Variants in LRP1B observed in about 807,000 individuals in gnomAD.
LRP1B encodes low-density lipoprotein receptor-related protein 1B.
In LRP1B, 217 loss-of-function variants were observed where a neutral mutation model predicts 556.6. That is an observed-to-expected ratio of 0.39 (90% CI 0.35 to 0.44). The LOEUF is 0.44. Ranked by LOEUF, LRP1B falls within the 20% of genes least tolerant of loss-of-function variation. LRP1B has a pLI of 1.00. For synonymous variants in LRP1B, 2,047 were observed against 1,865.8 expected (o/e 1.10, Z -2.50); for missense variants, 5,053 against 5,620.8 (o/e 0.90, Z 3.23).
intron 66 of LRP1B, among the ~76,000 whole-genome samples, chr2:140,387,517 C>A (rs1683810705): frequency 6.6e-6 from 1 of 151,990 alleles, no homozygotes; most frequent in Non-Finnish European, 1.5e-5. Flanking sequence ...GAATTTATAT[C>A]CAGCTCCAGC....
chr2:141,487,124 C>A (rs1423266819), intron 2 of LRP1B, among the ~76,000 whole-genome samples: 1 of 152,110 alleles, frequency 6.6e-6, no homozygotes, highest in Non-Finnish European at 1.5e-5. Flanking sequence ...ATCCCCTCCA[C>A]CTTTTGCCTG....
At chr2:141,675,679 G>GTA (rs1432638705) in intron 2 of LRP1B, among the ~76,000 whole-genome samples, 496 of 12,502 alleles carry the variant, frequency 0.04, 3 homozygotes, top group African/African-American at 0.077. Context: ...AATTTATTTG[G>GTA]TATATATATA....
At chr2:140,427,530 G>A (rs1398529267) in intron 66 of LRP1B, among the ~76,000 whole-genome samples, 8 of 152,012 alleles carry the variant, frequency 5.3e-5, no homozygotes, top group Admixed American at 5.2e-4. Flanking sequence ...ATACAAACTC[G>A]ACAGTAGTTC....
intron 2 of LRP1B, among the ~76,000 whole-genome samples, chr2:141,625,458 G>A (rs75398503): frequency 0.014 from 2,071 of 152,184 alleles, 58 homozygotes; most frequent in African/African-American, 0.047. Flanking sequence ...TATCTACTCC[G>A]TACATTTTTT....
intron 1 of LRP1B, among the ~76,000 whole-genome samples, chr2:141,958,812 G>A (rs1361446542): frequency 6.6e-6 from 1 of 152,002 alleles, no homozygotes; most frequent in South Asian, 2.1e-4. Context: ...TCAGACTGGT[G>A]TAAGGAAAAC....
intron 3 of LRP1B, among the ~76,000 whole-genome samples, chr2:141,390,838 G>T (rs1346253657): frequency 6.6e-6 from 1 of 152,186 alleles, no homozygotes; most frequent in Non-Finnish European, 1.5e-5. Context: ...AGACAGAAGT[G>T]GTGGTTGCAC....
intron 11 of LRP1B, among the ~76,000 whole-genome samples, chr2:141,021,871 C>T (rs1573990180): frequency 6.6e-6 from 1 of 151,924 alleles, no homozygotes; most frequent in East Asian, 1.9e-4. Context: ...TTAATAGCTA[C>T]TGCATGTAAA....
At chr2:140,854,415 A>G (rs1395131087) in intron 27 of LRP1B, among the ~76,000 whole-genome samples, 1 of 152,166 alleles carries the variant, frequency 6.6e-6, no homozygotes, top group African/African-American at 2.4e-5. Flanking sequence ...ATAATTCACA[A>G]TATTTTGTGC....
intron 2 of LRP1B, among the ~76,000 whole-genome samples, chr2:141,521,898 A>G (rs1437783460): frequency 6.6e-6 from 1 of 152,148 alleles, no homozygotes; most frequent in African/African-American, 2.4e-5. Flanking sequence ...TTTAACAAAT[A>G]TATACTGAGT....
intron 35 of LRP1B, among the ~76,000 whole-genome samples, chr2:140,754,543 G>A (rs953300785): frequency 2.6e-5 from 4 of 151,868 alleles, no homozygotes; most frequent in African/African-American, 9.7e-5. Flanking sequence ...TCATAAATGT[G>A]GTGGAAATTC....
At chr2:141,831,829 T>C (rs185132579) in intron 1 of LRP1B, among the ~76,000 whole-genome samples, 101 of 151,786 alleles carry the variant, frequency 6.7e-4, no homozygotes, top group African/African-American at 2.3e-3. Flanking sequence ...GAACAAAAAA[T>C]TGGGCTTTCT....
At chr2:140,273,598 C>G (rs533217082) in intron 85 of LRP1B, among the ~76,000 whole-genome samples, 2 of 152,148 alleles carry the variant, frequency 1.3e-5, no homozygotes, top group African/African-American at 4.8e-5. Context: ...GGTGAGCTCT[C>G]AGCGGAAGCT....
intron 2 of LRP1B, among the ~76,000 whole-genome samples, chr2:141,676,263 C>T (rs1030391566): frequency 6.6e-6 from 1 of 152,042 alleles, no homozygotes; most frequent in African/African-American, 2.4e-5. Flanking sequence ...CAGTGCCAAG[C>T]AGTGACCATT....
intron 17 of LRP1B, among the ~76,000 whole-genome samples, chr2:140,982,859 G>GT (rs59121243): frequency 0.41 from 60,943 of 147,510 alleles, 12,878 homozygotes; most frequent in East Asian, 0.61. Flanking sequence ...GCCTTAAGGT[G>GT]TTTTTTTTTT....
intron 84 of LRP1B, among the ~76,000 whole-genome samples, chr2:140,291,318 A>ATATATTTT (rs369391920): frequency 9.9e-4 from 108 of 109,318 alleles, no homozygotes; most frequent in African/African-American, 3.1e-3. Context: ...ATATATATAT[A>ATATATTTT]TTTTTATTAT....
chr2:141,247,960 C>A (rs548233864), intron 4 of LRP1B, among the ~76,000 whole-genome samples: 2 of 152,078 alleles, frequency 1.3e-5, no homozygotes, highest in Non-Finnish European at 2.9e-5. Flanking sequence ...GTAATCCCAG[C>A]ACTTTGGGAG....
At chr2:141,622,222 C>T (rs186986302) in intron 2 of LRP1B, among the ~76,000 whole-genome samples, 1 of 152,154 alleles carries the variant, frequency 6.6e-6, no homozygotes, top group Admixed American at 6.5e-5. Context: ...AGGGATTTAA[C>T]TAATTAATGG....
chr2:140,954,647 T>TA (rs1057019912), intron 18 of LRP1B, among the ~76,000 whole-genome samples: 2 of 152,050 alleles, frequency 1.3e-5, no homozygotes, highest in African/African-American at 4.8e-5. Flanking sequence ...TCTGAATATA[T>TA]AAAAAAAGTT....
At chr2:141,225,352 T>C (rs1021684992) in intron 6 of LRP1B, among the ~76,000 whole-genome samples, 3 of 152,182 alleles carry the variant, frequency 2.0e-5, no homozygotes, top group African/African-American at 7.2e-5. Context: ...ACAATATGGT[T>C]CTGAATCATT....
Sources: gnomAD v4.1 joint callset for allele counts (sites outside exome capture counted in the v4.1 genomes callset) on GRCh38, gnomAD v4.1.1 for gene constraint, MANE v1.5 for transcripts, NCBI Gene and HGNC (gene_info 2026-07-23, HGNC 2026-07-21) for gene names.